IMPG1: variants seen among roughly 807,000 people sequenced by gnomAD.
IMPG1 encodes interphotoreceptor matrix proteoglycan of 150 kDa.
In IMPG1, 85 loss-of-function variants were observed where a neutral mutation model predicts 92.0. That is an observed-to-expected ratio of 0.92 (90% CI 0.78 to 1.11). IMPG1 has a LOEUF of 1.11. Among genes scored for constraint, IMPG1 ranks in the 50% least tolerant of loss-of-function variants. IMPG1 has a pLI of 0.00. For missense variants in IMPG1, 1,022 were observed against 956.0 expected, an observed-to-expected ratio of 1.07 and a Z score of -0.91; for synonymous variants, 367 against 334.1, an observed-to-expected ratio of 1.10 and a Z score of -1.08.
At chr6:76,051,435 T>G (rs899914740) in intron 1 of IMPG1, among the ~76,000 whole-genome samples, 1 of 152,200 alleles carries the variant, frequency 6.6e-6, no homozygotes, top group Non-Finnish European at 1.5e-5. Flanking sequence ...ACAGAGAAGC[T>G]TCTACAACTT....
chr6:75,983,200 A>G (rs148600672), intron 12 of IMPG1, among the ~76,000 whole-genome samples: 207 of 151,984 alleles, frequency 1.4e-3, no homozygotes, highest in African/African-American at 4.6e-3. Context: ...CAATTTCAAT[A>G]AAATACTAAG....
chr6:75,984,607 A>T (rs932657313), intron 12 of IMPG1, among the ~76,000 whole-genome samples: 2 of 152,248 alleles, frequency 1.3e-5, no homozygotes, highest in Non-Finnish European at 2.9e-5. Context: ...TGATTTTGGT[A>T]TTACAGAATG....
chr6:75,978,454 G>A (rs1782573924), intron 12 of IMPG1, among the ~76,000 whole-genome samples: 1 of 152,040 alleles, frequency 6.6e-6, no homozygotes, highest in African/African-American at 2.4e-5. Context: ...ATGCCCCTCT[G>A]AGAAAGGCAA....
chr6:76,060,404 G>C (rs1294618479), intron 1 of IMPG1, among the ~76,000 whole-genome samples: 1 of 152,198 alleles, frequency 6.6e-6, no homozygotes, highest in Non-Finnish European at 1.5e-5. Flanking sequence ...TCTGCTGCTA[G>C]TTCAGAGCTT....
chr6:75,965,511 C>T (rs562821357), intron 12 of IMPG1, among the ~76,000 whole-genome samples: 1 of 151,844 alleles, frequency 6.6e-6, no homozygotes, highest in South Asian at 2.1e-4. Context: ...AATGTCCCTC[C>T]CTATTTGGTA....
intron 12 of IMPG1, among the ~76,000 whole-genome samples, chr6:75,981,749 A>G (rs958093521): frequency 2.0e-5 from 3 of 152,236 alleles, no homozygotes; most frequent in African/African-American, 7.2e-5. Context: ...AGCACATCAC[A>G]TTCTATCAGC....
intron 10 of IMPG1, 147 bp from the exon 11 acceptor site, chr6:76,004,097 A>G (rs1219553966): frequency 3.3e-6 from 2 of 610,570 alleles, no homozygotes; most frequent in Admixed American, 3.4e-5. Flanking sequence ...AGGCATAGAA[A>G]AAAGGTCATT....
At chr6:75,962,274 C>T (rs1782223392) in intron 12 of IMPG1, among the ~76,000 whole-genome samples, 1 of 151,890 alleles carries the variant, frequency 6.6e-6, no homozygotes, top group Non-Finnish European at 1.5e-5. Flanking sequence ...CATGCACCAC[C>T]ACACCCAGCA....
intron 12 of IMPG1, among the ~76,000 whole-genome samples, chr6:75,979,366 G>T (rs1433264085): frequency 6.6e-6 from 1 of 152,208 alleles, no homozygotes; most frequent in Admixed American, 6.5e-5. Context: ...TGGAAAAGGG[G>T]TGTGGAGAGG....
intron 1 of IMPG1, among the ~76,000 whole-genome samples, chr6:76,063,973 A>G (rs1016936239): frequency 6.6e-6 from 1 of 151,846 alleles, no homozygotes; most frequent in Non-Finnish European, 1.5e-5. Flanking sequence ...GTTCAGCCCT[A>G]TGGGGAAGAG....
intron 1 of IMPG1, among the ~76,000 whole-genome samples, chr6:76,067,263 A>G (rs1784325329): frequency 6.6e-6 from 1 of 152,100 alleles, no homozygotes; most frequent in Non-Finnish European, 1.5e-5. Flanking sequence ...TTTCTTCAAA[A>G]AGCTAAAGAA....
intron 1 of IMPG1, among the ~76,000 whole-genome samples, chr6:76,056,385 CA>C (rs774827356): frequency 9.2e-5 from 14 of 151,612 alleles, no homozygotes; most frequent in Non-Finnish European, 1.9e-4. Flanking sequence ...AACAAACAAG[CA>C]AAAAAAGCTA....
At chr6:75,976,540 G>A (rs752849681) in intron 12 of IMPG1, among the ~76,000 whole-genome samples, 1 of 151,990 alleles carries the variant, frequency 6.6e-6, no homozygotes, top group Non-Finnish European at 1.5e-5. Flanking sequence ...CAGCCTGGGC[G>A]ACAGAGCGAG....
rs189694851 is a variant in IMPG1, at chr6:76,050,820, C to A, written c.68-8694G>T. Among the ~76,000 whole-genome samples, 548 of 152,270 alleles carry A rather than the reference C, an allele frequency of 3.6e-3. 2 individuals are homozygous for A. The highest frequency in any genetic ancestry group is 6.6e-3 in the Non-Finnish European group (448 of 68,016). On this transcript the variant is annotated intron_variant, in intron 1 of 16. Transcript: ENST00000369950. Reference sequence around the variant, plus strand: ...TTTTTTAGCTATTTAACCTTGTAGGCATACAGAGGCTTACTGTACACATAC... The same window carrying A: ...TTTTTTAGCTATTTAACCTTGTAGGAATACAGAGGCTTACTGTACACATAC...
chr6:76,010,843 C>T (rs1462098495), intron 8 of IMPG1, among the ~76,000 whole-genome samples: 5 of 152,138 alleles, frequency 3.3e-5, no homozygotes, highest in Non-Finnish European at 7.4e-5. Context: ...TACCTTTTTT[C>T]ATCTGTCTCT....
At chr6:76,072,335 T>C (rs1784414518) in intron 1 of IMPG1, 87 bp downstream of exon 1, 2 of 700,880 alleles carry the variant, frequency 2.9e-6, no homozygotes, top group South Asian at 1.8e-5. Context: ...GTGAGATCAA[T>C]TGGTAGCCTT....
chr6:75,938,738 G>A (rs1419221294), intron 14 of IMPG1, among the ~76,000 whole-genome samples: 4 of 152,114 alleles, frequency 2.6e-5, no homozygotes, highest in Non-Finnish European at 2.9e-5. Flanking sequence ...ACTGGAACCC[G>A]GGAGGCGGAG....
chr6:76,070,331 A>T (rs1194243121), intron 1 of IMPG1, among the ~76,000 whole-genome samples: 2 of 152,154 alleles, frequency 1.3e-5, no homozygotes, highest in East Asian at 3.9e-4. Flanking sequence ...AAAATAACAG[A>T]TGTGGAGAAC....
intron 14 of IMPG1, among the ~76,000 whole-genome samples, chr6:75,940,695 ACAGCCTGGCTTTAAGTGAACCGGCT>A (rs1781824645): frequency 6.6e-6 from 1 of 152,124 alleles, no homozygotes; most frequent in African/African-American, 2.4e-5. Flanking sequence ...GCATTTTTAG[ACAGCCTGGCTTTAAGTGAACCGGCT>A]CAGCCTGGCT....
Sources: gnomAD v4.1 joint callset for allele counts (sites outside exome capture counted in the v4.1 genomes callset) on GRCh38, gnomAD v4.1.1 for gene constraint, MANE v1.5 for transcripts, NCBI Gene and HGNC (gene_info 2026-07-23, HGNC 2026-07-21) for gene names.